The following MYO1F variants were observed in gnomAD, a reference collection of about 807,000 sequenced individuals.
The protein encoded by MYO1F is myosin IF, also known as unconventional myosin-If.
Under a neutral mutation model 146.6 loss-of-function variants are expected in MYO1F, and 60 were observed. The ratio of observed to expected loss-of-function variants is 0.41; its 90% CI spans 0.33 to 0.51. The LOEUF (loss-of-function observed/expected upper bound fraction) is 0.51, where lower values mean the gene tolerates loss of function less well. Among genes scored for constraint, MYO1F ranks in the 20% least tolerant of loss-of-function variants. The probability of loss-of-function intolerance (pLI) is 0.25; values close to 1 mark genes in which losing one functional copy is unlikely to be tolerated. For synonymous variants in MYO1F, 602 were observed against 602.1 expected (o/e 1.00, Z 0.00); for missense variants, 1,274 against 1,534.3 (o/e 0.83, Z 2.83).
In MYO1F at chr19:8,522,496, C is replaced by T. The variant is rs372927680; in HGVS notation, c.3101G>A (p.Arg1034Gln). 21 of 1,613,674 alleles carry T rather than the reference C, an allele frequency of 1.3e-5. No individual in the cohort carries two copies. The highest frequency in any genetic ancestry group is 4.0e-5 in the African/African-American group (3 of 75,040). ...ATGTGTCCGAGGCTGGGGCTTGGGT[C>T]GGCCCACACCAGGCACTGGCCGTTG... ...VGQRPVPGVG[R>Q]PKPQPRTHGP... The change falls in exon 27 of 28, where the codon CGA becomes CAA. Residue 1034 changes from arginine (R) to glutamine (Q), a missense_variant. By Grantham distance (43) the Arg-to-Gln change is conservative (BLOSUM62 1). Coordinates refer to ENST00000644032, the MANE Select transcript of MYO1F (RefSeq NM_012335.4).
rs566348833 is a variant in MYO1F at position 8,547,944 on chromosome 19, TG to T, written c.1269+91del. On this transcript the variant is annotated intron_variant, in intron 12 of 27. Coordinates refer to ENST00000644032, the MANE Select transcript of MYO1F (RefSeq NM_012335.4). ...GAGGTGGGAACGCGGTGGGGAGGGC[TG>T]GGGTGTCCCCTAGTTGCTAAGGGAT... The T allele has an allele frequency of 9.9e-5, 125 of 1,266,194 alleles. No individual in the cohort carries two copies. The African/African-American group carries it at 1.3e-3, about 13-fold the overall frequency. The allele number at this position is 1,266,194 out of a possible 1,614,324, so 78.4% of individuals were successfully genotyped here. A position where few individuals can be genotyped will look rare whatever the true frequency, so the allele number is the denominator to read the frequency against.
chr19:8,573,843 C>A (rs970095044), intron 1 of MYO1F, among the ~76,000 whole-genome samples: 6 of 152,110 alleles, frequency 3.9e-5, no homozygotes, highest in African/African-American at 1.2e-4. Flanking sequence ...GAGCGAGACT[C>A]TGTCTCAGAA....
chr19:8,544,113 C>CGGAA (rs2145890389), intron 14 of MYO1F, 184 bp downstream of exon 14: 1 of 635,612 alleles, frequency 1.6e-6, no homozygotes, highest in East Asian at 3.0e-5. Context: ...GGGGGTCAGC[C>CGGAA]GGAAGGGTCT....
Position 8,574,559 on chromosome 19 carries a change from CTT to C in MYO1F, c.3+2746_3+2747del, listed in dbSNP as rs1276441816. Among the ~76,000 whole-genome samples, 496 of 88,162 alleles carry C rather than the reference CTT, an allele frequency of 5.6e-3. 4 individuals carry two copies. The highest frequency in any genetic ancestry group is 8.4e-3 in the Non-Finnish European group (366 of 43,788). The allele number at this position is 88,162 out of a possible 152,430, so 57.8% of individuals were successfully genotyped here. ...TCTTTCTTTCTTTCTTTCTTTCTTTCTTTCTTTCTTTCTTTCTTTCTCTCTCT... is the reference window on the plus strand; with the variant it reads ...TCTTTCTTTCTTTCTTTCTTTCTTTCTCTTTCTTTCTTTCTTTCTCTCTCT... On this transcript the variant is annotated intron_variant, in intron 1 of 27. Coordinates refer to ENST00000644032, the MANE Select transcript of MYO1F (RefSeq NM_012335.4).
chr19:8,525,279 G>GAT, intron 25 of MYO1F, 200 bp downstream of exon 25: 2 of 570,006 alleles, frequency 3.5e-6, no homozygotes, highest in Non-Finnish European at 6.3e-6. Flanking sequence ...TCAGTGGTTA[G>GAT]CTGGGTTTGG....
At chr19:8,547,603 CAAA>C (rs146542478) in intron 12 of MYO1F, among the ~76,000 whole-genome samples, 2 of 114,212 alleles carry the variant, frequency 1.8e-5, no homozygotes, top group Non-Finnish European at 3.9e-5. Flanking sequence ...GACTTTGTCT[CAAA>C]AAAAAAAAAA....
chr19:8,558,637 C>T (rs985568405), intron 1 of MYO1F, among the ~76,000 whole-genome samples: 1 of 152,130 alleles, frequency 6.6e-6, no homozygotes, highest in Non-Finnish European at 1.5e-5. Context: ...CAACACATCT[C>T]TGCAAAGGAG....
intron 2 of MYO1F, 69 bp downstream of exon 2, chr19:8,555,590 C>G: frequency 6.2e-7 from 1 of 1,606,214 alleles, no homozygotes; most frequent in Non-Finnish European, 8.5e-7. Context: ...CCTTCACCCT[C>G]CTCTCCGTCC....
rs1171805974 is a variant in MYO1F at position 8,550,360 on chromosome 19, CCAGGGCAAAGGT to C, written c.905-16_905-5del. 4 of 1,609,414 alleles carry C rather than the reference CCAGGGCAAAGGT, an allele frequency of 2.5e-6. No individual in the cohort carries two copies. In the East Asian group the frequency reaches 9.0e-5, roughly 36 times the overall value. On this transcript the variant is annotated splice_polypyrimidine_tract_variant and splice_region_variant and intron_variant, in intron 9 of 27. Coordinates refer to ENST00000644032, the MANE Select transcript of MYO1F (RefSeq NM_012335.4). ...AGGTAGGCGGGAAAGGCCAGGACTACCAGGGCAAAGGTCAGGGCAAAAATGGGACAGTTGGTT... is the reference window on the plus strand; with the variant it reads ...AGGTAGGCGGGAAAGGCCAGGACTACCAGGGCAAAAATGGGACAGTTGGTT...
rs570473035 is a variant in MYO1F at position 8,525,671 on chromosome 19, T to G, written c.2771-109A>C. 3 of 909,454 alleles carry G rather than the reference T, an allele frequency of 3.3e-6. No homozygotes were observed. In the African/African-American group the frequency reaches 4.9e-5, roughly 15 times the overall value. The allele number at this position is 909,454 out of a possible 1,614,324, so 56.3% of individuals were successfully genotyped here. A position where few individuals can be genotyped will look rare whatever the true frequency, so the allele number is the denominator to read the frequency against. On this transcript the variant is annotated intron_variant, in intron 24 of 27. Coordinates refer to ENST00000644032, the MANE Select transcript of MYO1F (RefSeq NM_012335.4). ...CGCCGCACCCCGCCCCCTCAGGCTC[T>G]CCCATTAGCACCGCCCCTTAGGTAC...
chr19:8,575,292 G>A (rs11878208), intron 1 of MYO1F, among the ~76,000 whole-genome samples: 3,897 of 150,854 alleles, frequency 0.026, 178 homozygotes, highest in African/African-American at 0.09. Context: ...GGCCAGGATC[G>A]TTTCTATCTC....
intron 15 of MYO1F, among the ~76,000 whole-genome samples, chr19:8,540,911 C>T (rs1007772289): frequency 5.3e-5 from 8 of 151,996 alleles, no homozygotes; most frequent in African/African-American, 1.9e-4. Context: ...TAGTTCTAAA[C>T]CTGATTGTTC....
rs1189712576 is a variant in MYO1F at position 8,555,766 on chromosome 19, G to C, written c.34C>G (p.His12Asp). The C allele has an allele frequency of 6.2e-7, 1 of 1,613,910 alleles. No individual in the cohort carries two copies. The highest frequency in any genetic ancestry group is 8.5e-7 in the Non-Finnish European group (1 of 1,180,008). The change falls in exon 2 of 28, where the codon CAC becomes GAC. Residue 12 changes from histidine to aspartate, a missense_variant. Transcript: ENST00000644032. Reference protein sequence around the residue: ...GSKERFHWQSHNVKQSGVDDM... With the variant: ...GSKERFHWQSDNVKQSGVDDM... ...TCCACGCCGCTCTGCTTCACGTTGTGGCTCTGCCAGTGGAAGCGCTCCTTG... is the reference window on the plus strand; with the variant it reads ...TCCACGCCGCTCTGCTTCACGTTGTCGCTCTGCCAGTGGAAGCGCTCCTTG...
intron 1 of MYO1F, among the ~76,000 whole-genome samples, chr19:8,574,577 T>TTCTTTCTTTCTTTCTTTCTC (rs1335184271): frequency 5.8e-4 from 46 of 79,766 alleles, no homozygotes; most frequent in East Asian, 1.1e-3. Context: ...CTTTCTTTCT[T>TTCTTTCTTTCTTTCTTTCTC]TCTCTCTCTC....
At chr19:8,561,780 G>A (rs1322220364) in intron 1 of MYO1F, among the ~76,000 whole-genome samples, 10 of 149,484 alleles carry the variant, frequency 6.7e-5, no homozygotes, top group Admixed American at 2.0e-4. Context: ...GTAGTGGCGC[G>A]ATCTTGGCTC....
At chr19:8,528,919 T>C (rs938082302) in intron 21 of MYO1F, among the ~76,000 whole-genome samples, 5 of 151,992 alleles carry the variant, frequency 3.3e-5, no homozygotes, top group Non-Finnish European at 4.4e-5. Flanking sequence ...TGCAAGCCGG[T>C]TGAGCTGGCC....
At chr19:8,552,398 A>G (rs1012701918) in intron 6 of MYO1F, among the ~76,000 whole-genome samples, 2 of 152,012 alleles carry the variant, frequency 1.3e-5, no homozygotes, top group Non-Finnish European at 2.9e-5. Flanking sequence ...AGCTGGGACT[A>G]CAGGCACCCG....
chr19:8,571,421 C>T (rs1454308639), intron 1 of MYO1F, among the ~76,000 whole-genome samples: 2 of 144,740 alleles, frequency 1.4e-5, no homozygotes, highest in African/African-American at 2.5e-5. Context: ...CTCTCTCTCT[C>T]TTTTTTTTTT....
intron 19 of MYO1F, among the ~76,000 whole-genome samples, chr19:8,534,529 A>T (rs1005111056): frequency 1.3e-5 from 2 of 151,202 alleles, no homozygotes; most frequent in African/African-American, 2.4e-5. Flanking sequence ...CTGGTCTCGA[A>T]CTCCTAACCT....
Sources: allele counts gnomAD v4.1 joint callset (sites outside exome capture counted in the v4.1 genomes callset), GRCh38; gene constraint gnomAD v4.1.1; transcripts MANE v1.5; gene names NCBI Gene and HGNC (gene_info 2026-07-23, HGNC 2026-07-21).